TYW5: variants seen among roughly 807,000 people sequenced by gnomAD.
TYW5 encodes tRNA wybutosine-synthesizing protein 5.
TYW5 carries 36 observed loss-of-function variants against 44.4 expected under a neutral mutation model. The observed-to-expected ratio is 0.81, with a 90% CI of 0.62 to 1.07. TYW5 has a LOEUF of 1.07. Among genes scored for constraint, TYW5 ranks in the 50% least tolerant of loss-of-function variants. TYW5 has a pLI of 0.00. For missense variants in TYW5, 354 were observed against 365.7 expected, an observed-to-expected ratio of 0.97 and a Z score of 0.26; for synonymous variants, 121 against 128.1, an observed-to-expected ratio of 0.94 and a Z score of 0.37.
chr2:199,935,434 G>A (rs1489337377), intron 7 of TYW5, among the ~76,000 whole-genome samples: 1 of 151,660 alleles, frequency 6.6e-6, no homozygotes, highest in Non-Finnish European at 1.5e-5. Context: ...CCTCAACCTC[G>A]TGGGCCCAAG....
chr2:199,934,041 C>T (rs1219188477), intron 7 of TYW5, among the ~76,000 whole-genome samples: 2 of 151,938 alleles, frequency 1.3e-5, no homozygotes, highest in Non-Finnish European at 2.9e-5. Context: ...TAGAGGAATA[C>T]TAAAGCAATA....
chr2:199,930,281 T>C lies in TYW5; in HGVS notation c.*2786A>G, dbSNP rs2077365902. ...TTTGAAAGGATAATGTGAACAAAAG[T>C]CCAAATAATACAAAACTAGATTCTA... On this transcript the variant is annotated 3_prime_UTR_variant, in exon 8 of 8. Transcript: ENST00000354611. 1 of 152,042 alleles carries C rather than the reference T, an allele frequency of 6.6e-6. No individual in the cohort carries two copies. The highest frequency in any genetic ancestry group is 2.1e-4 in the South Asian group (1 of 4,822). 9.4% of individuals were successfully genotyped at this position (152,042 alleles called of 1,614,324 possible). A position where few individuals can be genotyped will look rare whatever the true frequency, so the allele number is the denominator to read the frequency against.
Position 199,933,305 on chromosome 2 carries a change from A to G in TYW5, c.710T>C (p.Val237Ala). Reference protein sequence around the residue: ...LFIPALWFHNVISEEFGVGVN... With the variant: ...LFIPALWFHNAISEEFGVGVN... Reference sequence around the variant, plus strand: ...TCCCACTCCAAACTCTTCAGAAATTACATTATGGAACCATAAAGCTGGAGA... The same window carrying G: ...TCCCACTCCAAACTCTTCAGAAATTGCATTATGGAACCATAAAGCTGGAGA... Residue 237 changes from valine to alanine, a missense_variant, in exon 8 of 8, where the codon GTA becomes GCA. Coordinates refer to ENST00000354611, the MANE Select transcript of TYW5 (RefSeq NM_001039693.3). 1 of 1,607,520 alleles carries G rather than the reference A, an allele frequency of 6.2e-7. No homozygotes were observed. Among genetic ancestry groups the G allele is most frequent in the Non-Finnish European group, 8.5e-7 (1 of 1,177,654 alleles).
intron 3 of TYW5, among the ~76,000 whole-genome samples, chr2:199,941,641 G>A (rs993667934): frequency 6.6e-6 from 1 of 152,146 alleles, no homozygotes; most frequent in African/African-American, 2.4e-5. Context: ...AATGTTCTTC[G>A]AAAGTCTAAG....
At chr2:199,939,111 C>A (rs753651633) in intron 4 of TYW5, 41 bp from the exon 5 acceptor site, 2 of 1,549,310 alleles carry the variant, frequency 1.3e-6, no homozygotes, top group Non-Finnish European at 1.7e-6. Flanking sequence ...TTAGATTAGA[C>A]CCTATGATAT....
chr2:199,933,378 C>T (rs1280786203), intron 7 of TYW5, 55 bp from the exon 8 acceptor site: 13 of 1,476,964 alleles, frequency 8.8e-6, no homozygotes, highest in Non-Finnish European at 9.1e-6. Context: ...AAAAAAAAAC[C>T]CAAAATGTCA....
In TYW5 at chr2:199,931,151, G is replaced by A. The variant is rs568754594; in HGVS notation, c.*1916C>T. ...GAGCTACCTCAAATCTCTCAACAAA[G>A]ATGGAATATAATTAAATAGAAGAAC... On this transcript the variant is annotated 3_prime_UTR_variant, in exon 8 of 8. Coordinates refer to ENST00000354611, the MANE Select transcript of TYW5 (RefSeq NM_001039693.3). The A allele has an allele frequency of 4.6e-5, 7 of 152,234 alleles. No individual in the cohort carries two copies. In the East Asian group the frequency reaches 1.3e-3, roughly 29 times the overall value. 9.4% of individuals were successfully genotyped at this position (152,234 alleles called of 1,614,324 possible).
At position 199,931,053 on chromosome 2, in the gene TYW5, G is replaced by C. The variant is rs1252385892; in HGVS notation, c.*2014C>G. ...CAGACCCTAATATTAATTATGACCAGGGAAATAATTTTAAAACATCCCAAA... is the reference window on the plus strand; with the variant it reads ...CAGACCCTAATATTAATTATGACCACGGAAATAATTTTAAAACATCCCAAA... On this transcript the variant is annotated 3_prime_UTR_variant, in exon 8 of 8. Coordinates refer to ENST00000354611, the MANE Select transcript of TYW5 (RefSeq NM_001039693.3). The C allele has an allele frequency of 6.6e-6, 1 of 152,002 alleles. No homozygotes were observed. The highest frequency in any genetic ancestry group is 1.5e-5 in the Non-Finnish European group (1 of 68,000). 9.4% of individuals were successfully genotyped at this position (152,002 alleles called of 1,614,324 possible).
chr2:199,933,385 G>A, intron 7 of TYW5, 62 bp from the exon 8 acceptor site: 4 of 1,439,726 alleles, frequency 2.8e-6, no homozygotes, highest in Non-Finnish European at 3.8e-6. Context: ...AACCCAAAAT[G>A]TCAGTGAAAT....
In TYW5 at chr2:199,955,248, G is replaced by A. The variant is rs574882666; in HGVS notation, c.78+145C>T. On this transcript the variant is annotated intron_variant, in intron 1 of 7. Transcript: ENST00000354611. ...GCGTCCCCCGTGCACCTTTCCCTTG[G>A]TCTAAGGGCCAACCAGTGATCTGCT... 4 of 888,880 alleles carry A rather than the reference G, an allele frequency of 4.5e-6. No individual in the cohort carries two copies. The South Asian group carries it at 5.1e-5, about 11-fold the overall frequency. The allele number at this position is 888,880 out of a possible 1,614,324, so 55.1% of individuals were successfully genotyped here.
In TYW5 at chr2:199,932,021, A is replaced by T. The variant is rs533377790; in HGVS notation, c.*1046T>A. ...ACTAGGCTAAGGTTTAGACATAGGT[A>T]TAAATTATTTATTTTGTAACATTCA... On this transcript the variant is annotated 3_prime_UTR_variant, in exon 8 of 8. Transcript: ENST00000354611. 1 of 43,064 alleles carries T rather than the reference A, an allele frequency of 2.3e-5. No individual in the cohort carries two copies. Among genetic ancestry groups the T allele is most frequent in the East Asian group, 5.8e-4 (1 of 1,724 alleles). The allele number at this position is 43,064 out of a possible 1,614,324, so 2.7% of individuals were successfully genotyped here.
intron 1 of TYW5, among the ~76,000 whole-genome samples, chr2:199,954,600 AATTTTGT>A (rs1342342595): frequency 2.6e-5 from 4 of 151,804 alleles, no homozygotes; most frequent in Non-Finnish European, 4.4e-5. Flanking sequence ...ATGCCCGGCT[AATTTTGT>A]ATTTTTAGTA....
chr2:199,936,923 T>A (rs888981185), intron 5 of TYW5, among the ~76,000 whole-genome samples: 1 of 152,216 alleles, frequency 6.6e-6, no homozygotes, highest in Non-Finnish European at 1.5e-5. Flanking sequence ...ACACTCTTAA[T>A]ATATGTTCAA....
At chr2:199,955,000 A>C (rs1461718044) in intron 1 of TYW5, among the ~76,000 whole-genome samples, 5 of 152,222 alleles carry the variant, frequency 3.3e-5, no homozygotes, top group African/African-American at 7.2e-5. Flanking sequence ...TAAGTAAGTT[A>C]GAATTCAAGA....
At chr2:199,955,336 G>A (rs1009352023) in intron 1 of TYW5, 57 bp downstream of exon 1, 15 of 1,584,388 alleles carry the variant, frequency 9.5e-6, no homozygotes, top group African/African-American at 1.3e-5. Flanking sequence ...CTGTCCGAAA[G>A]GTAAAGACGT....
At chr2:199,952,463 C>A (rs551133564) in intron 1 of TYW5, among the ~76,000 whole-genome samples, 1 of 152,158 alleles carries the variant, frequency 6.6e-6, no homozygotes, top group African/African-American at 2.4e-5. Context: ...AGTTTAAAGG[C>A]CATTTTAATG....
chr2:199,952,834 T>C (rs913504501), intron 1 of TYW5, among the ~76,000 whole-genome samples: 1 of 152,246 alleles, frequency 6.6e-6, no homozygotes, highest in Non-Finnish European at 1.5e-5. Context: ...TTCATTTCTT[T>C]ACATTTTTCT....
Position 199,932,615 on chromosome 2 carries a change from G to GAAGATGCA in TYW5, c.*444_*451dup, listed in dbSNP as rs2077388515. On this transcript the variant is annotated 3_prime_UTR_variant, in exon 8 of 8. Transcript: ENST00000354611. The stretch of plus-strand genomic sequence containing the variant: ...CCTGACTCTTCCGCTGCATGTAAAT[G>GAAGATGCA]AAGATGCACAAGGCTCCAACTGCTA... 6.1e-6 allele frequency: 1 copy of GAAGATGCA among 162,838 alleles called. No homozygotes were observed. Among genetic ancestry groups the GAAGATGCA allele is most frequent in the Admixed American group, 5.8e-5 (1 of 17,168 alleles). The allele number at this position is 162,838 out of a possible 1,614,324, so 10.1% of individuals were successfully genotyped here.
At chr2:199,934,593 A>G (rs1265925889) in intron 7 of TYW5, among the ~76,000 whole-genome samples, 1 of 152,062 alleles carries the variant, frequency 6.6e-6, no homozygotes, top group Non-Finnish European at 1.5e-5. Flanking sequence ...AACAAAACAT[A>G]GTTGTCTTCA....
Sources: gnomAD v4.1 joint callset for allele counts (sites outside exome capture counted in the v4.1 genomes callset) on GRCh38, gnomAD v4.1.1 for gene constraint, MANE v1.5 for transcripts, NCBI Gene and HGNC (gene_info 2026-07-23, HGNC 2026-07-21) for gene names.